SP100: variants seen among roughly 807,000 people sequenced by gnomAD.
SP100 encodes the protein SP100 nuclear body protein, also known as nuclear autoantigen Sp-100.
In SP100, 84 loss-of-function variants were observed where a neutral mutation model predicts 130.0. That is an observed-to-expected ratio of 0.65 (90% CI 0.54 to 0.77). SP100 has a LOEUF of 0.77. Among genes scored for constraint, SP100 ranks in the 30% least tolerant of loss-of-function variants. The probability of loss-of-function intolerance (pLI) is 0.00; values close to 1 mark genes in which losing one functional copy is unlikely to be tolerated. For missense variants in SP100, 978 were observed against 1,052.2 expected (o/e 0.93, Z 0.97); for synonymous variants, 331 against 351.7 (o/e 0.94, Z 0.66).
intron 15 of SP100, among the ~76,000 whole-genome samples, chr2:230,472,893 T>C (rs1678168): frequency 0.23 from 35,589 of 152,042 alleles, 5,034 homozygotes; most frequent in Middle Eastern, 0.33. Flanking sequence ...CACAACCTCA[T>C]GATTCCTACA....
At chr2:230,447,113 G>A (rs184853129) in intron 5 of SP100, among the ~76,000 whole-genome samples, 150 of 152,246 alleles carry the variant, frequency 9.9e-4, no homozygotes, top group African/African-American at 1.5e-3. Context: ...AGAACCAAGC[G>A]TGTCAGTAGG....
intron 24 of SP100, among the ~76,000 whole-genome samples, chr2:230,519,450 C>G (rs1292786804): frequency 6.6e-6 from 1 of 152,076 alleles, no homozygotes; most frequent in African/African-American, 2.4e-5. Flanking sequence ...TCCTTCTGTT[C>G]CAAACGTAAA....
At chr2:230,483,764 C>A (rs1275215139) in intron 17 of SP100, among the ~76,000 whole-genome samples, 5 of 152,124 alleles carry the variant, frequency 3.3e-5, no homozygotes, top group Non-Finnish European at 7.3e-5. Flanking sequence ...ACAGTCAATT[C>A]TCATTATTCC....
At chr2:230,417,809 G>T in intron 2 of SP100, 144 bp downstream of exon 2, 2 of 1,270,644 alleles carry the variant, frequency 1.6e-6, no homozygotes, top group Non-Finnish European at 2.1e-6. Context: ...ATTCCGTTGA[G>T]GTGTTTGTCC....
intron 8 of SP100, among the ~76,000 whole-genome samples, chr2:230,457,637 GAC>G (rs1267494683): frequency 1.3e-5 from 2 of 152,176 alleles, no homozygotes; most frequent in Non-Finnish European, 2.9e-5. Context: ...TGGGGAAGAT[GAC>G]ACAGTGAAAC....
At chr2:230,482,858 G>C (rs2065899445) in intron 17 of SP100, among the ~76,000 whole-genome samples, 1 of 151,994 alleles carries the variant, frequency 6.6e-6, no homozygotes, top group Non-Finnish European at 1.5e-5. Context: ...TTTCAAAATT[G>C]TCTTGGCTAT....
At chr2:230,443,202 A>G (rs1458045240) in intron 3 of SP100, 103 bp downstream of exon 3, 2 of 1,116,786 alleles carry the variant, frequency 1.8e-6, no homozygotes, top group Admixed American at 4.3e-5. Context: ...GCTAACTGAC[A>G]GGTCTCCTAT....
At position 230,532,109 on chromosome 2, in the gene SP100, AC is replaced by A. The variant is rs202157123; in HGVS notation, c.2095-7156del. Among the ~76,000 whole-genome samples the A allele has an allele frequency of 8.2e-3, 1,253 of 152,162 alleles. 18 individuals are homozygous for A. The highest frequency in any genetic ancestry group is 0.029 in the African/African-American group (1,188 of 41,508). On this transcript the variant is annotated intron_variant, in intron 24 of 28. Transcript: ENST00000340126. ...TCTATTTCTCTAAACTTCCTAATCT[AC>A]CTTTGTCAGGTCTCCAAAAATTAAT...
chr2:230,502,818 C>T (rs1348352993), intron 19 of SP100, among the ~76,000 whole-genome samples: 1 of 152,178 alleles, frequency 6.6e-6, no homozygotes, highest in African/African-American at 2.4e-5. Context: ...TACTGGAACA[C>T]AGTCACCGTC....
chr2:230,506,484 T>G, intron 22 of SP100, 39 bp downstream of exon 22: 1 of 1,605,058 alleles, frequency 6.2e-7, no homozygotes, highest in Non-Finnish European at 8.5e-7. Flanking sequence ...AGGATTTAGC[T>G]GTCATGCTTC....
intron 14 of SP100, 59 bp from the exon 15 acceptor site, chr2:230,469,956 C>G: frequency 6.4e-7 from 1 of 1,555,066 alleles, no homozygotes; most frequent in African/African-American, 1.4e-5. Flanking sequence ...TTAAAGAATT[C>G]CCTGCTGATT....
intron 8 of SP100, among the ~76,000 whole-genome samples, chr2:230,455,174 A>G (rs1325018777): frequency 6.6e-6 from 1 of 152,098 alleles, no homozygotes; most frequent in Non-Finnish European, 1.5e-5. Context: ...TCCTGGGCTC[A>G]GGCAATCCCC....
At chr2:230,421,477 C>T (rs2062766802) in intron 2 of SP100, among the ~76,000 whole-genome samples, 1 of 146,506 alleles carries the variant, frequency 6.8e-6, no homozygotes, top group African/African-American at 2.5e-5. Flanking sequence ...CCAGTAGCCT[C>T]CTGACTAAGA....
chr2:230,515,857 A>G (rs527916988), intron 24 of SP100: 16 of 1,300,712 alleles, frequency 1.2e-5, no homozygotes, highest in South Asian at 2.2e-5. Context: ...CTGGTACAGT[A>G]TGGGGGTTGT....
At chr2:230,518,484 T>C (rs1174081997) in intron 24 of SP100, among the ~76,000 whole-genome samples, 1 of 151,828 alleles carries the variant, frequency 6.6e-6, no homozygotes, top group African/African-American at 2.4e-5. Flanking sequence ...GAGAACTCTT[T>C]TATAATTTTT....
rs142472627 is a variant in SP100 at position 230,446,925 on chromosome 2, T to C, written c.523+23T>C. 8.4e-5 allele frequency: 124 copies of C among 1,476,234 alleles called. No individual in the cohort carries two copies. In the African/African-American group the frequency reaches 1.5e-3, roughly 18 times the overall value. The allele number at this position is 1,476,234 out of a possible 1,614,324, so 91.4% of individuals were successfully genotyped here. A position where few individuals can be genotyped will look rare whatever the true frequency, so the allele number is the denominator to read the frequency against. On this transcript the variant is annotated intron_variant, in intron 5 of 28. Transcript: ENST00000340126. ...AAGGTAAAAATGACAGAATAAAAGC[T>C]TTTTTCTAAGAGAGGTTAGGGATCC... is the stretch of plus-strand genomic sequence containing the variant.
At chr2:230,464,794 G>A (rs1559502710) in intron 11 of SP100, among the ~76,000 whole-genome samples, 1 of 152,136 alleles carries the variant, frequency 6.6e-6, no homozygotes, top group Non-Finnish European at 1.5e-5. Flanking sequence ...AGCTAGTGGT[G>A]TTTAAGAGTC....
At chr2:230,542,797 T>A in intron 28 of SP100, 39 bp from the exon 29 acceptor site, 1 of 1,249,958 alleles carries the variant, frequency 8.0e-7, no homozygotes. Context: ...CTCAGCTCAT[T>A]GCATAACTGC....
At position 230,464,058 on chromosome 2, in the gene SP100, T is replaced by C; in HGVS notation, c.1058-9T>C. On this transcript the variant is annotated splice_polypyrimidine_tract_variant and intron_variant, in intron 10 of 28. Coordinates refer to ENST00000340126, the MANE Select transcript of SP100 (RefSeq NM_001080391.2). Reference sequence around the variant, plus strand: ...TGAGACCTCTAAAGAATCCCATTCTTTTGTGCAGTGATCAATAATGACAAC... The same window carrying C: ...TGAGACCTCTAAAGAATCCCATTCTCTTGTGCAGTGATCAATAATGACAAC... 6.3e-7 allele frequency: 1 copy of C among 1,597,548 alleles called. No homozygotes were observed. The highest frequency in any genetic ancestry group is 8.6e-7 in the Non-Finnish European group (1 of 1,165,162).
Sources: allele counts gnomAD v4.1 joint callset (sites outside exome capture counted in the v4.1 genomes callset), GRCh38; gene constraint gnomAD v4.1.1; transcripts MANE v1.5; gene names NCBI Gene and HGNC (gene_info 2026-07-23, HGNC 2026-07-21).